Variants in E2F8 observed in about 807,000 individuals in gnomAD.
E2F8 encodes the protein E2F transcription factor 8, also known as transcription factor E2F8.
E2F8 carries 35 observed loss-of-function variants against 80.8 expected under a neutral mutation model. The observed-to-expected ratio is 0.43, with a 90% CI of 0.33 to 0.57. E2F8 has a LOEUF of 0.57. Among genes scored for constraint, E2F8 ranks in the 20% least tolerant of loss-of-function variants. The pLI is 0.04. For synonymous variants in E2F8, 386 were observed against 395.0 expected (o/e 0.98, Z 0.27); for missense variants, 975 against 1,056.2 (o/e 0.92, Z 1.07).
At position 19,235,021 on chromosome 11, in the gene E2F8, G is replaced by A. The variant is rs765757944; in HGVS notation, c.489C>T (p.Val163=). 5 of 1,612,400 alleles carry A rather than the reference G, an allele frequency of 3.1e-6. No homozygotes were observed. The African/African-American group carries it at 4.0e-5, about 13-fold the overall frequency. The change falls in exon 5 of 13, where the codon GTC becomes GTT. Residue 163 remains valine, a synonymous_variant. Transcript: ENST00000250024. The stretch of plus-strand genomic sequence containing the variant: ...GGCTCACCATATGTAAACTCTCTAG[G>A]ACGTTCACGATATCGTAAATGCGTC... ...ERRRIYDIVN[V]LESLHMVSRL... is the part of the protein sequence containing the mutation.
intron 8 of E2F8, 52 bp from the exon 9 acceptor site, chr11:19,230,380 T>G: frequency 6.4e-7 from 1 of 1,559,630 alleles, no homozygotes; most frequent in Non-Finnish European, 8.8e-7. Flanking sequence ...GAACAAATGT[T>G]CACACAGATG....
At chr11:19,233,781 C>T (rs1851440427) in intron 6 of E2F8, among the ~76,000 whole-genome samples, 1 of 152,040 alleles carries the variant, frequency 6.6e-6, no homozygotes, top group Non-Finnish European at 1.5e-5. Context: ...AGCCACCGCG[C>T]CTGGCCGTGT....
rs530627600 is a variant in E2F8, at chr11:19,229,374, G to A, written c.1893+80C>T. The A allele has an allele frequency of 4.0e-5, 60 of 1,515,172 alleles. No individual in the cohort carries two copies. The African/African-American group carries it at 5.9e-4, about 15-fold the overall frequency. The allele number at this position is 1,515,172 out of a possible 1,614,324, so 93.9% of individuals were successfully genotyped here. The stretch of plus-strand genomic sequence containing the variant: ...TTGTCTTCTGAGAGAATGCTCTTCG[G>A]TAAATTTCACAAGCCACCAATCTTC... On this transcript the variant is annotated intron_variant, in intron 10 of 12. Coordinates refer to ENST00000250024, the MANE Select transcript of E2F8 (RefSeq NM_024680.4). The surrounding 1 kb of genome is among the most constrained non-coding windows in gnomAD (Gnocchi z 4.3).
At chr11:19,231,967 G>GT (rs1481330422) in intron 7 of E2F8, among the ~76,000 whole-genome samples, 1 of 152,126 alleles carries the variant, frequency 6.6e-6, no homozygotes, top group Admixed American at 6.5e-5. Flanking sequence ...AGAAAATGTG[G>GT]TACATATACA....
At chr11:19,230,216 T>C (rs752233105) in intron 9 of E2F8, 25 bp downstream of exon 9, 37 of 1,601,330 alleles carry the variant, frequency 2.3e-5, no homozygotes. Flanking sequence ...ATTCATCCTG[T>C]TATTAAAGAG....
chr11:19,239,425 T>A (rs1443143740), intron 2 of E2F8, among the ~76,000 whole-genome samples: 2 of 152,172 alleles, frequency 1.3e-5, no homozygotes, highest in Admixed American at 1.3e-4. Flanking sequence ...TTGACTAACA[T>A]CTAAAACTAT....
Position 19,225,208 on chromosome 11 carries a change from G to C in E2F8, c.2421+13C>G. ...ATTCCAGGAAAAATTAAATTAAGTA[G>C]AAAGCCTCTCACCTGTTGTGCCCCT... On this transcript the variant is annotated intron_variant, in intron 12 of 12. Transcript: ENST00000250024. 1.2e-6 allele frequency: 2 copies of C among 1,605,792 alleles called. No homozygotes were observed. Among genetic ancestry groups the C allele is most frequent in the Non-Finnish European group, 1.7e-6 (2 of 1,176,880 alleles).
In E2F8 at chr11:19,232,329, C is replaced by T. The variant is rs1029877491; in HGVS notation, c.971G>A (p.Ser324Asn). Reference sequence around the variant, plus strand: ...ATGAACTTTCTTGATAAGATCCAGGCTACTCAGAACATTAGCTATATCATA... The same window carrying T: ...ATGAACTTTCTTGATAAGATCCAGGTTACTCAGAACATTAGCTATATCATA... ...RLYDIANVLS[S>N]LDLIKKVHVT... Residue 324 changes from serine to asparagine, a missense_variant, in exon 7 of 13, where the codon AGC becomes AAC. By Grantham distance (46) the Ser-to-Asn change is conservative. Coordinates refer to ENST00000250024, the MANE Select transcript of E2F8 (RefSeq NM_024680.4). 1 of 1,614,072 alleles carries T rather than the reference C, an allele frequency of 6.2e-7. No individual in the cohort carries two copies. Among genetic ancestry groups the T allele is most frequent in the South Asian group, 1.1e-5 (1 of 91,090 alleles).
intron 6 of E2F8, among the ~76,000 whole-genome samples, chr11:19,232,709 G>A (rs1007080607): frequency 1.3e-5 from 2 of 152,102 alleles, no homozygotes; most frequent in African/African-American, 4.8e-5. Flanking sequence ...CTTCTAATGA[G>A]GATTCAGAAG....
chr11:19,230,114 G>C, intron 9 of E2F8, 126 bp from the exon 10 acceptor site: 1 of 1,482,682 alleles, frequency 6.7e-7, no homozygotes, highest in South Asian at 1.3e-5. Context: ...TAATGAGTGA[G>C]TATGAGATAC....
chr11:19,228,086 A>G (rs1851281876), intron 10 of E2F8, among the ~76,000 whole-genome samples: 2 of 152,206 alleles, frequency 1.3e-5, no homozygotes, highest in Admixed American at 1.3e-4. Context: ...CCCTGTCTCA[A>G]AAGAAAAAAG....
chr11:19,237,270 C>T (rs1443622814), intron 4 of E2F8, 44 bp downstream of exon 4: 2 of 1,600,692 alleles, frequency 1.2e-6, no homozygotes, highest in East Asian at 2.2e-5. Flanking sequence ...TCCATAAAGC[C>T]ACTTTAATTA....
chr11:19,225,169 C>G lies in E2F8; in HGVS notation c.2421+52G>C. On this transcript the variant is annotated intron_variant, in intron 12 of 12. Transcript: ENST00000250024. The stretch of plus-strand genomic sequence containing the variant: ...AAGCCAATCTCTTATGACACAGATA[C>G]TTGGGGCTTAGTAATTCCAGGAAAA... The G allele has an allele frequency of 1.1e-5, 17 of 1,575,892 alleles. 1 individual carries two copies. In the South Asian group the frequency reaches 2.0e-4, roughly 19 times the overall value.
At chr11:19,240,997 C>G (rs1025201235), upstream of E2F8, 2 of 152,600 alleles carry the variant, frequency 1.3e-5, no homozygotes, top group African/African-American at 4.8e-5. Flanking sequence ...CCTGTCCGCC[C>G]GCCGCAGTCC....
At chr11:19,238,526 C>CA (rs1478575409) in intron 2 of E2F8, among the ~76,000 whole-genome samples, 2 of 152,212 alleles carry the variant, frequency 1.3e-5, no homozygotes, top group African/African-American at 4.8e-5. Flanking sequence ...GTTAAATGAT[C>CA]AAACTTCTAG....
rs143700744 is a variant in E2F8 at position 19,229,566 on chromosome 11, C to A, written c.1781G>T (p.Arg594Leu). The A allele has an allele frequency of 2.8e-5, 46 of 1,614,112 alleles. No individual in the cohort carries two copies. The African/African-American group carries it at 3.6e-4, about 13-fold the overall frequency. Reference sequence around the variant, plus strand: ...TCTTTCTCCAGCTGGCTCCCTGGTTCGGCTCTTTGCCCCTTGCCTCTCTGG... The same window carrying A: ...TCTTTCTCCAGCTGGCTCCCTGGTTAGGCTCTTTGCCCCTTGCCTCTCTGG... ...PAPERQGAKS[R>L]TREPAGERGS... The change falls in exon 10 of 13, where the codon CGA becomes CTA. Residue 594 changes from arginine to leucine, a missense_variant. Coordinates refer to ENST00000250024, the MANE Select transcript of E2F8 (RefSeq NM_024680.4). This position sits in a 1 kb window ranked among gnomAD's most constrained non-coding sequence, Gnocchi z 4.3.
At chr11:19,228,854 C>T (rs970709093) in intron 10 of E2F8, among the ~76,000 whole-genome samples, 8 of 152,216 alleles carry the variant, frequency 5.3e-5, no homozygotes, top group South Asian at 2.1e-4. Context: ...TAATTCCCTC[C>T]GGAACTAATC....
At chr11:19,231,270 G>C (rs1028338563) in intron 7 of E2F8, among the ~76,000 whole-genome samples, 1 of 152,124 alleles carries the variant, frequency 6.6e-6, no homozygotes. Context: ...CTGGCTCAAG[G>C]TCTCTCAACT....
chr11:19,230,525 A>T (rs1851350465), intron 8 of E2F8, 106 bp downstream of exon 8: 4 of 1,335,498 alleles, frequency 3.0e-6, no homozygotes, highest in Admixed American at 2.0e-5. Flanking sequence ...GGGTATATAG[A>T]TATTGAAATA....
Sources: gnomAD v4.1 joint callset for allele counts (sites outside exome capture counted in the v4.1 genomes callset) on GRCh38, gnomAD v4.1.1 for gene constraint, Gnocchi (gnomAD v3.1) non-coding constraint, MANE v1.5 for transcripts, NCBI Gene and HGNC (gene_info 2026-07-23, HGNC 2026-07-21) for gene names.